The following ST6GALNAC3 variants were observed in gnomAD, a reference collection of about 807,000 sequenced individuals.
The protein encoded by ST6GALNAC3 is alpha-N-acetylgalactosaminide alpha-2,6-sialyltransferase 3.
A neutral mutation model predicts 32.7 loss-of-function variants in ST6GALNAC3; 25 were observed. The observed-to-expected ratio is 0.76, with a 90% CI of 0.56 to 1.07. ST6GALNAC3 has a LOEUF of 1.07. ST6GALNAC3 is among the 50% of genes least tolerant of loss of function. The pLI, the probability that ST6GALNAC3 is intolerant of heterozygous loss-of-function variation, is 0.00. For missense variants in ST6GALNAC3, 355 were observed against 382.4 expected (o/e 0.93, Z 0.60); for synonymous variants, 129 against 133.1 (o/e 0.97, Z 0.21).
chr1:76,159,665 G>A lies in ST6GALNAC3; in HGVS notation c.18+84781G>A, dbSNP rs185579142. Among the ~76,000 whole-genome samples the A allele has an allele frequency of 2.6e-5, 4 of 152,332 alleles. No individual in the cohort carries two copies. The East Asian group carries it at 7.7e-4, about 29-fold the overall frequency. On this transcript the variant is annotated intron_variant, in intron 1 of 4. Transcript: ENST00000328299. ...GAAAGGATAGATGAGACCCATTAAG[G>A]TCTGCCCTTTAAAAGCTTGTAATAT...
intron 1 of ST6GALNAC3, among the ~76,000 whole-genome samples, chr1:76,283,702 T>C (rs1659624060): frequency 6.6e-6 from 1 of 152,236 alleles, no homozygotes; most frequent in African/African-American, 2.4e-5. Context: ...GCTCTGTTTT[T>C]CCTAAGTTTC....
At chr1:76,121,722 CAA>C (rs1269643939) in intron 1 of ST6GALNAC3, among the ~76,000 whole-genome samples, 1 of 151,594 alleles carries the variant, frequency 6.6e-6, no homozygotes, top group Non-Finnish European at 1.5e-5. Context: ...TCTCAAAAAA[CAA>C]AAAAAATGTG....
chr1:76,498,446 G>C (rs1660988401), intron 3 of ST6GALNAC3, among the ~76,000 whole-genome samples: 1 of 152,148 alleles, frequency 6.6e-6, no homozygotes, highest in African/African-American at 2.4e-5. Flanking sequence ...CAGGTGACCT[G>C]ATGGCTTATG....
intron 2 of ST6GALNAC3, among the ~76,000 whole-genome samples, chr1:76,355,672 A>G (rs898961684): frequency 1.3e-5 from 2 of 152,240 alleles, no homozygotes; most frequent in African/African-American, 4.8e-5. Flanking sequence ...CTTTTAATAC[A>G]TATTTCATGA....
chr1:76,225,925 CA>C (rs1390148671), intron 1 of ST6GALNAC3, among the ~76,000 whole-genome samples: 1 of 152,180 alleles, frequency 6.6e-6, no homozygotes, highest in East Asian at 1.9e-4. Flanking sequence ...ACACACCTGT[CA>C]CCCAAAATAC....
chr1:76,210,810 G>A (rs956745590), intron 1 of ST6GALNAC3, among the ~76,000 whole-genome samples: 2 of 152,094 alleles, frequency 1.3e-5, no homozygotes, highest in African/African-American at 2.4e-5. Flanking sequence ...CCAATGGCAT[G>A]ATCTCAGCTC....
At chr1:76,302,830 CACAA>C (rs1660805910) in intron 1 of ST6GALNAC3, among the ~76,000 whole-genome samples, 1 of 151,670 alleles carries the variant, frequency 6.6e-6, no homozygotes, top group African/African-American at 2.4e-5. Flanking sequence ...GCACAAAACA[CACAA>C]ACAAAGCAAG....
At chr1:76,151,741 C>T (rs1338327460) in intron 1 of ST6GALNAC3, among the ~76,000 whole-genome samples, 1 of 152,140 alleles carries the variant, frequency 6.6e-6, no homozygotes, top group Non-Finnish European at 1.5e-5. Context: ...CCCATGGGCA[C>T]TGTTACAATG....
intron 2 of ST6GALNAC3, among the ~76,000 whole-genome samples, chr1:76,388,011 G>A (rs1343163413): frequency 1.3e-5 from 2 of 152,012 alleles, no homozygotes; most frequent in Non-Finnish European, 2.9e-5. Context: ...TGACTCCTTG[G>A]CCTGTCTGAT....
At chr1:76,511,271 T>C (rs1661840343) in intron 3 of ST6GALNAC3, among the ~76,000 whole-genome samples, 1 of 152,206 alleles carries the variant, frequency 6.6e-6, no homozygotes, top group Admixed American at 6.5e-5. Flanking sequence ...TTTGAAGCCC[T>C]CAAGTGTCTG....
chr1:76,196,958 C>A (rs936790457), intron 1 of ST6GALNAC3, among the ~76,000 whole-genome samples: 1 of 152,162 alleles, frequency 6.6e-6, no homozygotes, highest in Non-Finnish European at 1.5e-5. Context: ...TTATTTTTAT[C>A]TGAACAATAA....
chr1:76,572,531 T>C (rs1169694818), intron 3 of ST6GALNAC3, among the ~76,000 whole-genome samples: 1 of 152,122 alleles, frequency 6.6e-6, no homozygotes, highest in African/African-American at 2.4e-5. Flanking sequence ...CTACTTCTGC[T>C]TCCTTCCCCC....
intron 3 of ST6GALNAC3, among the ~76,000 whole-genome samples, chr1:76,598,184 G>A (rs1647167360): frequency 6.6e-6 from 1 of 152,030 alleles, no homozygotes; most frequent in Admixed American, 6.5e-5. Flanking sequence ...TATTCATGAG[G>A]GCTCCACTCT....
intron 3 of ST6GALNAC3, among the ~76,000 whole-genome samples, chr1:76,469,155 C>T (rs1005725444): frequency 6.6e-6 from 1 of 151,964 alleles, no homozygotes; most frequent in African/African-American, 2.4e-5. Flanking sequence ...TAGGAGTTAG[C>T]CAAAAATGAT....
intron 3 of ST6GALNAC3, among the ~76,000 whole-genome samples, chr1:76,522,646 T>G (rs1038902978): frequency 6.6e-6 from 1 of 152,208 alleles, no homozygotes; most frequent in Non-Finnish European, 1.5e-5. Flanking sequence ...GATTCTATGG[T>G]GGCTTTATAT....
At chr1:76,424,965 C>T (rs756111601) in intron 3 of ST6GALNAC3, among the ~76,000 whole-genome samples, 2 of 151,878 alleles carry the variant, frequency 1.3e-5, no homozygotes, top group Non-Finnish European at 2.9e-5. Context: ...TGCTTATATT[C>T]GTAGCTGAAA....
At chr1:76,130,987 C>G (rs758778706) in intron 1 of ST6GALNAC3, among the ~76,000 whole-genome samples, 2 of 152,212 alleles carry the variant, frequency 1.3e-5, no homozygotes, top group Non-Finnish European at 2.9e-5. Flanking sequence ...AGAAGTGCCC[C>G]ATTTGAAGGT....
chr1:76,236,896 A>T (rs1656689529), intron 1 of ST6GALNAC3, among the ~76,000 whole-genome samples: 1 of 152,188 alleles, frequency 6.6e-6, no homozygotes, highest in Non-Finnish European at 1.5e-5. Flanking sequence ...TGATCTTGTC[A>T]ATAATTACTT....
intron 1 of ST6GALNAC3, among the ~76,000 whole-genome samples, chr1:76,221,668 C>A (rs1209117023): frequency 1.3e-5 from 2 of 151,994 alleles, no homozygotes; most frequent in African/African-American, 2.4e-5. Context: ...TTTTTTCTTT[C>A]ATTTCAGATG....
Sources: gnomAD v4.1 joint callset for allele counts (sites outside exome capture counted in the v4.1 genomes callset) on GRCh38, gnomAD v4.1.1 for gene constraint, MANE v1.5 for transcripts, NCBI Gene and HGNC (gene_info 2026-07-23, HGNC 2026-07-21) for gene names.